The following INSIG2 variants were observed in gnomAD, a reference collection of about 807,000 sequenced individuals.
INSIG2 encodes insulin induced gene 2.
A neutral mutation model predicts 27.2 loss-of-function variants in INSIG2; 10 were observed. The observed-to-expected ratio is 0.37, with a 90% CI of 0.23 to 0.62. The LOEUF (loss-of-function observed/expected upper bound fraction) is 0.62. Among genes scored for constraint, INSIG2 ranks in the 20% least tolerant of loss-of-function variants. The probability of loss-of-function intolerance (pLI) is 0.65; values close to 1 mark genes in which losing one functional copy is unlikely to be tolerated. For missense variants in INSIG2, 178 were observed against 270.2 expected, an observed-to-expected ratio of 0.66 and a Z score of 2.39; for synonymous variants, 97 against 95.8, an observed-to-expected ratio of 1.01 and a Z score of -0.07.
chr2:118,108,238 G>A (rs13003121), intron 5 of INSIG2, 43 bp from the exon 6 acceptor site: 43,322 of 1,355,860 alleles, frequency 0.032, 910 homozygotes, highest in African/African-American at 0.085. Flanking sequence ...CTATTCAAAA[G>A]AAGTCTTAAT....
chr2:118,089,593 C>T (rs1678178474), intron 1 of INSIG2, among the ~76,000 whole-genome samples: 1 of 152,186 alleles, frequency 6.6e-6, no homozygotes, highest in African/African-American at 2.4e-5. Context: ...AAAAATCAGA[C>T]GTGTGCTCTT....
intron 1 of INSIG2, among the ~76,000 whole-genome samples, chr2:118,091,429 C>A (rs753087516): frequency 2.0e-5 from 3 of 152,132 alleles, no homozygotes; most frequent in Non-Finnish European, 4.4e-5. Flanking sequence ...ATTGGCCTTG[C>A]TAATAGAGTG....
rs1678694908 is a variant in INSIG2, at chr2:118,107,198, A to G, written c.636+9A>G. The G allele has an allele frequency of 6.3e-7, 1 of 1,578,648 alleles. No homozygotes were observed. The highest frequency in any genetic ancestry group is 1.7e-5 in the Admixed American group (1 of 59,732). On this transcript the variant is annotated intron_variant, in intron 5 of 5. Transcript: ENST00000245787. Reference sequence around the variant, plus strand: ...GTCGACAACTGGCAATGGTAAGCTGATGCTCACTTTTCTGAATAAGATGTG... The same window carrying G: ...GTCGACAACTGGCAATGGTAAGCTGGTGCTCACTTTTCTGAATAAGATGTG...
chr2:118,098,819 A>C (rs1013847423), intron 2 of INSIG2, among the ~76,000 whole-genome samples: 2 of 152,224 alleles, frequency 1.3e-5, no homozygotes, highest in Non-Finnish European at 2.9e-5. Context: ...CACACTTACA[A>C]ACTTAACCTC....
Position 118,109,311 on chromosome 2 carries a change from CAT to C in INSIG2, c.*992_*993del, listed in dbSNP as rs1290238797. ...CACTGTAGCTTTAGCTGGGTTCAGTCATATGACTCGTTGGTGGAATGCCTAGG... is the reference window on the plus strand; with the variant it reads ...CACTGTAGCTTTAGCTGGGTTCAGTCATGACTCGTTGGTGGAATGCCTAGG... On this transcript the variant is annotated 3_prime_UTR_variant, in exon 6 of 6. Transcript: ENST00000245787. The C allele has an allele frequency of 6.6e-6, 1 of 152,106 alleles. No individual in the cohort carries two copies. The highest frequency in any genetic ancestry group is 1.5e-5 in the Non-Finnish European group (1 of 68,032). The allele number at this position is 152,106 out of a possible 1,614,324, so 9.4% of individuals were successfully genotyped here.
At chr2:118,103,602 T>G (rs931646777) in intron 3 of INSIG2, among the ~76,000 whole-genome samples, 1 of 152,240 alleles carries the variant, frequency 6.6e-6, no homozygotes, top group Admixed American at 6.5e-5. Flanking sequence ...TTAATTACTT[T>G]TGTGTAGTTA....
Position 118,096,546 on chromosome 2 carries a change from C to G in INSIG2, c.-11C>G, listed in dbSNP as rs1285368356. ...TTTTTTTTTTTAACGGCTTTCTGAACCTATGAAACCATGGCAGAAGGAGAG... is the reference window on the plus strand; with the variant it reads ...TTTTTTTTTTTAACGGCTTTCTGAAGCTATGAAACCATGGCAGAAGGAGAG... On this transcript the variant is annotated 5_prime_UTR_variant, in exon 2 of 6. Transcript: ENST00000245787. The G allele has an allele frequency of 1.9e-6, 3 of 1,602,750 alleles. No homozygotes were observed. In the South Asian group the frequency reaches 3.3e-5, roughly 18 times the overall value.
chr2:118,100,025 T>G (rs1678501824), intron 2 of INSIG2, among the ~76,000 whole-genome samples: 1 of 152,202 alleles, frequency 6.6e-6, no homozygotes, highest in Admixed American at 6.5e-5. Context: ...AATATGGCCC[T>G]TGACTGCTTT....
intron 3 of INSIG2, 111 bp downstream of exon 3, chr2:118,103,432 A>G (rs1678598845): frequency 2.3e-6 from 2 of 854,936 alleles, no homozygotes; most frequent in Non-Finnish European, 3.6e-6. Context: ...ATGCCCACTT[A>G]GTCAGAAGAA....
chr2:118,092,590 A>G (rs982941959), intron 1 of INSIG2, among the ~76,000 whole-genome samples: 11 of 152,150 alleles, frequency 7.2e-5, no homozygotes, highest in African/African-American at 2.7e-4. Flanking sequence ...AGGCAAGAGG[A>G]TGGGTTTTGG....
chr2:118,093,300 T>TGATGAG (rs1553466280), intron 1 of INSIG2, among the ~76,000 whole-genome samples: 58 of 8,300 alleles, frequency 7.0e-3, no homozygotes, highest in Non-Finnish European at 0.011. Flanking sequence ...ATGATGATGA[T>TGATGAG]GAGGAGGAGG....
At chr2:118,090,073 C>T (rs967491211) in intron 1 of INSIG2, among the ~76,000 whole-genome samples, 1 of 152,170 alleles carries the variant, frequency 6.6e-6, no homozygotes, top group African/African-American at 2.4e-5. Flanking sequence ...GAGCATTAAA[C>T]TGTTGCATTG....
At chr2:118,089,028 A>G (rs1678162556) in intron 1 of INSIG2, among the ~76,000 whole-genome samples, 1 of 152,176 alleles carries the variant, frequency 6.6e-6, no homozygotes, top group African/African-American at 2.4e-5. Flanking sequence ...TTGAGGAGTA[A>G]TACTCTGGCA....
chr2:118,106,659 C>A, intron 3 of INSIG2, 78 bp from the exon 4 acceptor site: 2 of 1,122,700 alleles, frequency 1.8e-6, no homozygotes, highest in Non-Finnish European at 1.3e-6. Context: ...TCAACAGAGG[C>A]ATCTCTTATT....
intron 1 of INSIG2, among the ~76,000 whole-genome samples, chr2:118,090,243 G>A (rs554351649): frequency 7.2e-5 from 11 of 152,184 alleles, no homozygotes; most frequent in Non-Finnish European, 1.6e-4. Flanking sequence ...GTTATCTGAG[G>A]GAGTAAAAAT....
chr2:118,090,265 G>A (rs1352083), intron 1 of INSIG2, among the ~76,000 whole-genome samples: 37,393 of 152,010 alleles, frequency 0.25, 4,743 homozygotes, highest in Middle Eastern at 0.28. Context: ...CTTCTTTTAC[G>A]GCTAATCATT....
chr2:118,102,179 CT>C (rs1678564020), intron 2 of INSIG2, among the ~76,000 whole-genome samples: 1 of 152,188 alleles, frequency 6.6e-6, no homozygotes, highest in African/African-American at 2.4e-5. Context: ...ACAGTAGTGT[CT>C]TTATTGCCAG....
rs186954275 is a variant in INSIG2 at position 118,098,994 on chromosome 2, A to G, written c.244+2194A>G. Among the ~76,000 whole-genome samples the G allele has an allele frequency of 2.6e-5, 4 of 152,356 alleles. No homozygotes were observed. The East Asian group carries it at 5.8e-4, about 22-fold the overall frequency. ...GTTAAGTCATGGTGTTTAGTAGATG[A>G]GAGTGAAAGATATCAGATTTGTCCA... On this transcript the variant is annotated intron_variant, in intron 2 of 5. Transcript: ENST00000245787.
At chr2:118,095,850 C>T (rs1678393535) in intron 1 of INSIG2, among the ~76,000 whole-genome samples, 2 of 151,960 alleles carry the variant, frequency 1.3e-5, no homozygotes, top group Admixed American at 6.6e-5. Flanking sequence ...TAGGTGTGTG[C>T]GTGGTGGTCT....
Sources: gnomAD v4.1 joint callset for allele counts (sites outside exome capture counted in the v4.1 genomes callset) on GRCh38, gnomAD v4.1.1 for gene constraint, MANE v1.5 for transcripts, NCBI Gene and HGNC (gene_info 2026-07-23, HGNC 2026-07-21) for gene names.